Variants in IL10RA observed in about 807,000 individuals in gnomAD.
IL10RA encodes interleukin-10 receptor subunit alpha.
Under a neutral mutation model 29.6 loss-of-function variants are expected in IL10RA, and 18 were observed. The observed-to-expected ratio is 0.61, with a 90% CI of 0.42 to 0.90. The LOEUF (loss-of-function observed/expected upper bound fraction) is 0.90. Among genes scored for constraint, IL10RA ranks in the 40% least tolerant of loss-of-function variants. The pLI is 0.00. For missense variants in IL10RA, 634 were observed against 716.6 expected, an observed-to-expected ratio of 0.88 and a Z score of 1.32; for synonymous variants, 292 against 294.1, an observed-to-expected ratio of 0.99 and a Z score of 0.07.
In IL10RA at chr11:117,993,555, G is replaced by T. The variant is rs566385326; in HGVS notation, c.537+145G>T. 1.2e-5 allele frequency: 9 copies of T among 751,560 alleles called. No homozygotes were observed. The African/African-American group carries it at 1.4e-4, about 11-fold the overall frequency. The allele number at this position is 751,560 out of a possible 1,614,324, so 46.6% of individuals were successfully genotyped here. A position where few individuals can be genotyped will look rare whatever the true frequency, so the allele number is the denominator to read the frequency against. ...TGGTGGGTGGGCAGAGGAGGGAGTA[G>T]AAACCACCTCAGCCCTCAGAGCTAT... On this transcript the variant is annotated intron_variant, in intron 4 of 6. Transcript: ENST00000227752.
intron 6 of IL10RA, 77 bp downstream of exon 6, chr11:117,995,787 C>T (rs558027777): frequency 4.7e-6 from 7 of 1,497,984 alleles, no homozygotes; most frequent in African/African-American, 4.1e-5. Context: ...GAGCTCTTTT[C>T]CTCCCAGCCA....
At position 118,000,539 on chromosome 11, in the gene IL10RA, C is replaced by T. The variant is rs1462747591; in HGVS notation, c.*898C>T. 4.4e-6 allele frequency: 2 copies of T among 454,278 alleles called. No homozygotes were observed. The highest frequency in any genetic ancestry group is 3.1e-5 in the South Asian group (2 of 64,474). 28.1% of individuals were successfully genotyped at this position (454,278 alleles called of 1,614,324 possible). On this transcript the variant is annotated 3_prime_UTR_variant, in exon 7 of 7. Coordinates refer to ENST00000227752, the MANE Select transcript of IL10RA (RefSeq NM_001558.4). ...GCTTGGGCACCAGCTCATGCCAGCCCCAGAGGGTCAGGGTTGGAGGCCTGT... is the reference window on the plus strand; with the variant it reads ...GCTTGGGCACCAGCTCATGCCAGCCTCAGAGGGTCAGGGTTGGAGGCCTGT...
rs543654820 is a variant in IL10RA, at chr11:117,998,705, T to C, written c.811-10T>C. 3 of 1,613,818 alleles carry C rather than the reference T, an allele frequency of 1.9e-6. No individual in the cohort carries two copies. The highest frequency in any genetic ancestry group is 2.2e-5 in the South Asian group (2 of 91,066). ...CTCCTGCTTCTCTCACTCTGCCCTCTCTTCCCCAGCTCTTCAAGAAGCCCA... is the reference window on the plus strand; with the variant it reads ...CTCCTGCTTCTCTCACTCTGCCCTCCCTTCCCCAGCTCTTCAAGAAGCCCA... On this transcript the variant is annotated splice_polypyrimidine_tract_variant and intron_variant, in intron 6 of 6. Transcript: ENST00000227752.
chr11:117,990,902 C>A (rs891961857), intron 3 of IL10RA, among the ~76,000 whole-genome samples: 13 of 151,956 alleles, frequency 8.6e-5, no homozygotes, highest in Middle Eastern at 3.2e-3. Flanking sequence ...TTATGCTTAA[C>A]AGTAAAGTGT....
Position 118,001,430 on chromosome 11 carries a change from T to C in IL10RA, c.*1789T>C. 1 of 441,586 alleles carries C rather than the reference T, an allele frequency of 2.3e-6. No homozygotes were observed. Among genetic ancestry groups the C allele is most frequent in the Admixed American group, 2.5e-5 (1 of 40,796 alleles). The allele number at this position is 441,586 out of a possible 1,614,324, so 27.4% of individuals were successfully genotyped here. A position where few individuals can be genotyped will look rare whatever the true frequency, so the allele number is the denominator to read the frequency against. On this transcript the variant is annotated 3_prime_UTR_variant, in exon 7 of 7. Transcript: ENST00000227752. ...TGAATGTGCCTTGAACACAAAGCTCTGTCAATAAGTGATACATGTTTTTTA... is the reference window on the plus strand; with the variant it reads ...TGAATGTGCCTTGAACACAAAGCTCCGTCAATAAGTGATACATGTTTTTTA...
In IL10RA at chr11:118,001,196, C is replaced by T. The variant is rs182393130; in HGVS notation, c.*1555C>T. On this transcript the variant is annotated 3_prime_UTR_variant, in exon 7 of 7. Transcript: ENST00000227752. The stretch of plus-strand genomic sequence containing the variant: ...GAAAGCTTTATTTATTTATTTTGTT[C>T]ATTTATTTATTGGAGAGGCAGCATT... 3.0e-3 allele frequency: 1,372 copies of T among 454,066 alleles called. 11 individuals are homozygous for T. The highest frequency in any genetic ancestry group is 3.2e-3 in the Non-Finnish European group (715 of 226,750). The allele number at this position is 454,066 out of a possible 1,614,324, so 28.1% of individuals were successfully genotyped here.
chr11:117,987,246 T>C (rs2057992247), intron 1 of IL10RA: 1 of 236,538 alleles, frequency 4.2e-6, no homozygotes, highest in African/African-American at 2.2e-5. Context: ...AAACATGCAG[T>C]CAGCCATTCA....
Position 117,999,181 on chromosome 11 carries a change from G to T in IL10RA, c.1277G>T (p.Ser426Ile). 1.9e-6 allele frequency: 3 copies of T among 1,614,226 alleles called. No individual in the cohort carries two copies. The highest frequency in any genetic ancestry group is 2.5e-6 in the Non-Finnish European group (3 of 1,180,022). The change falls in exon 7 of 7, where the codon AGT becomes ATT. Residue 426 changes from serine to isoleucine, a missense_variant. Coordinates refer to ENST00000227752, the MANE Select transcript of IL10RA (RefSeq NM_001558.4). ...GGTGGCTCGGCCTTGGGCCACCACAGTCCCCCGGAGCCTGAGGTGCCTGGG... is the reference window on the plus strand; with the variant it reads ...GGTGGCTCGGCCTTGGGCCACCACATTCCCCCGGAGCCTGAGGTGCCTGGG... ...TQGGSALGHH[S>I]PPEPEVPGEE...
chr11:117,991,054 G>A (rs1029514289), intron 3 of IL10RA, among the ~76,000 whole-genome samples: 11 of 151,922 alleles, frequency 7.2e-5, no homozygotes, highest in African/African-American at 2.4e-4. Context: ...AAAATTAGCC[G>A]GGCGTGGTGG....
At chr11:117,990,021 C>T (rs1217782696) in intron 3 of IL10RA, among the ~76,000 whole-genome samples, 1 of 152,176 alleles carries the variant, frequency 6.6e-6, no homozygotes, top group Non-Finnish European at 1.5e-5. Flanking sequence ...ACCCAGGGGT[C>T]ATCCCTTTGA....
chr11:117,986,431 G>A lies in IL10RA; in HGVS notation c.-37G>A. 6.5e-7 allele frequency: 1 copy of A among 1,543,844 alleles called. No individual in the cohort carries two copies. The highest frequency in any genetic ancestry group is 8.7e-7 in the Non-Finnish European group (1 of 1,143,384). On this transcript the variant is annotated 5_prime_UTR_variant, in exon 1 of 7. Coordinates refer to ENST00000227752, the MANE Select transcript of IL10RA (RefSeq NM_001558.4). ...AGGGTAGCTGGAGGCGCGCAGGCCG[G>A]CTCCGCTCCGGCCCCGGACGATGCG...
chr11:117,990,528 G>A (rs2058015683), intron 3 of IL10RA, among the ~76,000 whole-genome samples: 1 of 152,168 alleles, frequency 6.6e-6, no homozygotes, highest in South Asian at 2.1e-4. Context: ...TTACAAAGGT[G>A]TGATATGTGA....
Position 117,999,541 on chromosome 11 carries a change from C to A in IL10RA, c.1637C>A (p.Ala546Asp), listed in dbSNP as rs759226960. Residue 546 changes from alanine to aspartate, a missense_variant, in exon 7 of 7, where the codon GCC (alanine) becomes GAC (aspartate). Physicochemically the swap from Ala to Asp is moderately radical, Grantham distance 126. Transcript: ENST00000227752. ...GACTGGAGCTTTGCCCATGACCTTG[C>A]CCCTCTAGGCTGTGTGGCAGCCCCA... ...ISDWSFAHDL[A>D]PLGCVAAPGG... 9.9e-6 allele frequency: 16 copies of A among 1,614,066 alleles called. No individual in the cohort carries two copies. Among genetic ancestry groups the A allele is most frequent in the Non-Finnish European group, 1.2e-5 (14 of 1,180,032 alleles).
At chr11:117,991,998 G>C (rs1162972030) in intron 3 of IL10RA, among the ~76,000 whole-genome samples, 1 of 152,144 alleles carries the variant, frequency 6.6e-6, no homozygotes, top group African/African-American at 2.4e-5. Context: ...GCCTCCCAAA[G>C]TGCTAGGATT....
At chr11:117,996,556 C>T (rs1005360504) in intron 6 of IL10RA, among the ~76,000 whole-genome samples, 9 of 152,328 alleles carry the variant, frequency 5.9e-5, no homozygotes, top group Admixed American at 2.0e-4. Flanking sequence ...GAACCAGCTC[C>T]GTCTGCAAGG....
chr11:118,001,637 C>G (rs2058096420), downstream of IL10RA: 6 of 349,520 alleles, frequency 1.7e-5, no homozygotes, highest in South Asian at 1.3e-4. Flanking sequence ...CCCAGGGAGT[C>G]CTCATGCTAC....
chr11:117,994,259 C>A, intron 5 of IL10RA, 110 bp downstream of exon 5: 1 of 855,122 alleles, frequency 1.2e-6, no homozygotes, highest in South Asian at 1.6e-5. Flanking sequence ...TTAGGTGCTG[C>A]TTCACATAGC....
intron 1 of IL10RA, chr11:117,986,994 T>A: frequency 2.1e-6 from 1 of 485,928 alleles, no homozygotes; most frequent in South Asian, 1.7e-5. Context: ...TGATCCCCCT[T>A]GCTCCACCTG....
intron 3 of IL10RA, among the ~76,000 whole-genome samples, chr11:117,992,208 A>G (rs2058027433): frequency 6.6e-6 from 1 of 152,244 alleles, no homozygotes; most frequent in African/African-American, 2.4e-5. Flanking sequence ...ATCTTTCGAT[A>G]TATACCCAGT....
Sources: allele counts gnomAD v4.1 joint callset (sites outside exome capture counted in the v4.1 genomes callset), GRCh38; gene constraint gnomAD v4.1.1; transcripts MANE v1.5; gene names NCBI Gene and HGNC (gene_info 2026-07-23, HGNC 2026-07-21).